MORF4L1: variants seen among roughly 807,000 people sequenced by gnomAD.
MORF4L1 encodes mortality factor 4-like protein 1.
A neutral mutation model predicts 52.9 loss-of-function variants in MORF4L1; 4 were observed. The observed-to-expected ratio is 0.08, with a 90% CI of 0.04 to 0.17. The LOEUF (loss-of-function observed/expected upper bound fraction) is 0.17, where lower values mean the gene tolerates loss of function less well. Among genes scored for constraint, MORF4L1 ranks in the 10% least tolerant of loss-of-function variants. The probability of loss-of-function intolerance (pLI) is 1.00; values close to 1 mark genes in which losing one functional copy is unlikely to be tolerated. For missense variants in MORF4L1, 214 were observed against 390.4 expected (o/e 0.55, Z 3.81); for synonymous variants, 123 against 134.8 (o/e 0.91, Z 0.61).
At chr15:78,876,535 C>T (rs1419153855) in intron 1 of MORF4L1, 5 of 455,816 alleles carry the variant, frequency 1.1e-5, no homozygotes, top group Non-Finnish European at 1.8e-5. Context: ...CACAGGGCCT[C>T]GGTTTCAGTG....
At chr15:78,891,100 T>TA (rs1176610373) in intron 6 of MORF4L1, 86 bp downstream of exon 6, 10 of 1,365,870 alleles carry the variant, frequency 7.3e-6, no homozygotes, top group African/African-American at 1.4e-5. Context: ...AATTTTGGAG[T>TA]AAGCTTATGT....
intron 3 of MORF4L1, among the ~76,000 whole-genome samples, chr15:78,885,652 A>G (rs2056689329): frequency 6.6e-6 from 1 of 152,226 alleles, no homozygotes; most frequent in Non-Finnish European, 1.5e-5. Context: ...CAGGTGTTTT[A>G]CATGTATTCT....
At chr15:78,882,320 A>G (rs1484899213) in intron 3 of MORF4L1, among the ~76,000 whole-genome samples, 1 of 152,190 alleles carries the variant, frequency 6.6e-6, no homozygotes, top group Non-Finnish European at 1.5e-5. Context: ...GACTCCTTTA[A>G]AAAGAAACAA....
At chr15:78,891,675 G>T in intron 7 of MORF4L1, 103 bp downstream of exon 7, 1 of 887,418 alleles carries the variant, frequency 1.1e-6, no homozygotes, top group Non-Finnish European at 1.7e-6. Context: ...TGCTTACATG[G>T]TTAATACCTG....
intron 11 of MORF4L1, among the ~76,000 whole-genome samples, chr15:78,896,596 C>T (rs537355549): frequency 6.6e-6 from 1 of 152,118 alleles, no homozygotes; most frequent in South Asian, 2.1e-4. Context: ...GCATGAGCCA[C>T]CACTCCCGGC....
chr15:78,891,387 G>T, intron 6 of MORF4L1, 97 bp from the exon 7 acceptor site: 1 of 912,840 alleles, frequency 1.1e-6, no homozygotes, highest in Non-Finnish European at 1.7e-6. Context: ...CTGTGTAATG[G>T]AGAAATAATG....
At chr15:78,891,631 C>A in intron 7 of MORF4L1, 59 bp downstream of exon 7, 3 of 1,323,064 alleles carry the variant, frequency 2.3e-6, no homozygotes, top group Non-Finnish European at 3.2e-6. Context: ...AGTTACATGA[C>A]ATAACCATGG....
rs1377748592 is a variant in MORF4L1 at position 78,874,030 on chromosome 15, A to G, written c.40+973A>G. 2.6e-5 allele frequency: 4 copies of G among 152,218 alleles called. No homozygotes were observed. In the East Asian group the frequency reaches 7.7e-4, roughly 29 times the overall value. 9.4% of individuals were successfully genotyped at this position (152,218 alleles called of 1,614,324 possible). Reference sequence around the variant, plus strand: ...ATTTCTTTTTATTAATTGGTTTTCGATTGACATGAGTTTTGGGTAAGGTTA... The same window carrying G: ...ATTTCTTTTTATTAATTGGTTTTCGGTTGACATGAGTTTTGGGTAAGGTTA... On this transcript the variant is annotated intron_variant, in intron 1 of 11. Transcript: ENST00000426013.
chr15:78,880,938 T>C (rs1198709274), intron 3 of MORF4L1, among the ~76,000 whole-genome samples: 3 of 151,290 alleles, frequency 2.0e-5, no homozygotes, highest in Non-Finnish European at 4.4e-5. Flanking sequence ...ACCACAAACA[T>C]GTTGATTATA....
intron 7 of MORF4L1, 55 bp downstream of exon 7, chr15:78,891,627 A>G (rs2056803739): frequency 3.7e-6 from 5 of 1,368,110 alleles, no homozygotes; most frequent in South Asian, 3.6e-5. Flanking sequence ...TCTCAGTTAC[A>G]TGACATAACC....
rs769111969 is a variant in MORF4L1 at position 78,894,178 on chromosome 15, C to G, written c.750C>G (p.Pro250=). 2 of 1,613,916 alleles carry G rather than the reference C, an allele frequency of 1.2e-6. No homozygotes were observed. The highest frequency in any genetic ancestry group is 1.7e-6 in the Non-Finnish European group (2 of 1,179,928). ...ATGCTGAAATTCTTGCAGATCATCC[C>G]GATGCACCCATGTCCCAGGTGTATG... ...PQYAEILADH[P]DAPMSQVYGA... Residue 250 remains proline, a synonymous_variant, in exon 10 of 12, where the codon CCC becomes CCG. Transcript: ENST00000426013.
intron 1 of MORF4L1, among the ~76,000 whole-genome samples, chr15:78,877,083 A>G (rs956415953): frequency 7.2e-6 from 1 of 139,228 alleles, no homozygotes; most frequent in Non-Finnish European, 1.5e-5. Flanking sequence ...GGTAGCTGGG[A>G]CTGAAGGTGC....
chr15:78,885,709 G>A (rs2056690597), intron 3 of MORF4L1, among the ~76,000 whole-genome samples: 1 of 152,124 alleles, frequency 6.6e-6, no homozygotes, highest in African/African-American at 2.4e-5. Context: ...TCATTTCATA[G>A]AGAATGAAAT....
At chr15:78,893,914 C>G in intron 9 of MORF4L1, 144 bp from the exon 10 acceptor site, 1 of 749,834 alleles carries the variant, frequency 1.3e-6, no homozygotes, top group South Asian at 2.1e-5. Flanking sequence ...TTTGTCAAAC[C>G]CTGCTTTCAT....
chr15:78,891,254 A>G (rs2056796812), intron 6 of MORF4L1: 3 of 662,160 alleles, frequency 4.5e-6, no homozygotes, highest in Admixed American at 3.0e-5. Context: ...AGAAGATAAC[A>G]TTTATAAATA....
intron 2 of MORF4L1, among the ~76,000 whole-genome samples, chr15:78,878,659 A>C (rs1357236622): frequency 6.6e-6 from 1 of 152,220 alleles, no homozygotes; most frequent in East Asian, 1.9e-4. Flanking sequence ...TATTAAAAAT[A>C]AGTACATTTA....
At position 78,891,004 on chromosome 15, in the gene MORF4L1, CA is replaced by C; in HGVS notation, c.342del (p.Lys114AsnfsTer27). ...CTCCTTTTAGGAAAACGAAAAAGAA[CA>C]AACAGAAAAGTAAGAATATTAACTT... is the stretch of plus-strand genomic sequence containing the variant. ...KNVEVKTKKN[K>X]QKTPGNGDGG... On this transcript the variant is annotated frameshift_variant, in exon 6 of 12. Transcript: ENST00000426013. LOFTEE classifies it high-confidence loss of function. The C allele has an allele frequency of 6.9e-7, 1 of 1,454,744 alleles. No homozygotes were observed. The highest frequency in any genetic ancestry group is 9.2e-7 in the Non-Finnish European group (1 of 1,082,818). 90.1% of individuals were successfully genotyped at this position (1,454,744 alleles called of 1,614,324 possible).
chr15:78,878,123 A>G (rs2141590249), intron 1 of MORF4L1, 90 bp from the exon 2 acceptor site: 2 of 1,357,600 alleles, frequency 1.5e-6, no homozygotes, highest in East Asian at 2.4e-5. Flanking sequence ...GGCTAGGAAT[A>G]CCTTAATAAA....
In MORF4L1 at chr15:78,880,776, G is replaced by C. The variant is rs2056586992; in HGVS notation, c.155+197G>C. On this transcript the variant is annotated intron_variant, in intron 3 of 11. Coordinates refer to ENST00000426013, the MANE Select transcript of MORF4L1 (RefSeq NM_006791.4). ...AGCCATTTTAATTTAAATATACTTGGATCTTGGGAATATTTGTTATGTTCT... is the reference window on the plus strand; with the variant it reads ...AGCCATTTTAATTTAAATATACTTGCATCTTGGGAATATTTGTTATGTTCT... Among the ~76,000 whole-genome samples the C allele has an allele frequency of 2.0e-5, 3 of 151,698 alleles. No individual in the cohort carries two copies. In the South Asian group the frequency reaches 6.2e-4, roughly 32 times the overall value.
Sources: allele counts gnomAD v4.1 joint callset (sites outside exome capture counted in the v4.1 genomes callset), GRCh38; gene constraint gnomAD v4.1.1; transcripts MANE v1.5; gene names NCBI Gene and HGNC (gene_info 2026-07-23, HGNC 2026-07-21).